ZC3H14: variants seen among roughly 807,000 people sequenced by gnomAD.
ZC3H14 encodes zinc finger CCCH domain-containing protein 14.
In ZC3H14, 31 loss-of-function variants were observed where a neutral mutation model predicts 92.4. The ratio of observed to expected loss-of-function variants is 0.34; its 90% confidence interval spans 0.25 to 0.45. ZC3H14 has a LOEUF of 0.45. Among genes scored for constraint, ZC3H14 ranks in the 20% least tolerant of loss-of-function variants. The pLI, the probability that ZC3H14 is intolerant of heterozygous loss-of-function variation, is 1.00. For synonymous variants in ZC3H14, 321 were observed against 300.9 expected (o/e 1.07, Z -0.69); for missense variants, 781 against 897.3 (o/e 0.87, Z 1.66).
At position 88,622,998 on chromosome 14, in the gene ZC3H14, A is replaced by G. The variant is rs1308153987; in HGVS notation, c.*11247A>G. 1.2e-5 allele frequency: 3 copies of G among 249,808 alleles called. No homozygotes were observed. The highest frequency in any genetic ancestry group is 6.8e-5 in the African/African-American group (3 of 43,942). 15.5% of individuals were successfully genotyped at this position (249,808 alleles called of 1,614,324 possible). A position where few individuals can be genotyped will look rare whatever the true frequency, so the allele number is the denominator to read the frequency against. On this transcript the variant is annotated 3_prime_UTR_variant, in exon 17 of 17. Coordinates refer to ENST00000251038, the MANE Select transcript of ZC3H14 (RefSeq NM_024824.5). ...TAGCCTCTACAATACATTACAATAC[A>G]TTATCCTCTCTCATAATACTTTTTT... is the stretch of plus-strand genomic sequence containing the variant.
intron 12 of ZC3H14, among the ~76,000 whole-genome samples, chr14:88,605,412 G>A (rs1338059934): frequency 6.6e-6 from 1 of 152,098 alleles, no homozygotes; most frequent in Non-Finnish European, 1.5e-5. Context: ...GCTCACTGCA[G>A]CCTCCACCTC....
At position 88,575,879 on chromosome 14, in the gene ZC3H14, G is replaced by C. The variant is rs752858345; in HGVS notation, c.1062G>C (p.Leu354=). ...LPPSKQANKN[L]ILKAISEAQE... ...CTTCTAAACAAGCTAACAAGAATCT[G>C]ATTTTGAAGGCTATATCTGAAGCTC... Residue 354 remains leucine, a synonymous_variant, in exon 8 of 17, where the codon CTG becomes CTC. Transcript: ENST00000251038. The C allele has an allele frequency of 1.2e-6, 2 of 1,613,728 alleles. No homozygotes were observed. The highest frequency in any genetic ancestry group is 1.7e-5 in the Admixed American group (1 of 59,998).
Position 88,617,002 on chromosome 14 carries a change from A to AATTATGGT in ZC3H14, c.*5253_*5260dup. ...CATGTTACTTAAAATACAGGAAGTA[A>AATTATGGT]ATTATGGTAAGTTGTTTGGAGACCT... On this transcript the variant is annotated 3_prime_UTR_variant, in exon 17 of 17. Coordinates refer to ENST00000251038, the MANE Select transcript of ZC3H14 (RefSeq NM_024824.5). 1 of 849,480 alleles carries AATTATGGT rather than the reference A, an allele frequency of 1.2e-6. No homozygotes were observed. Among genetic ancestry groups the AATTATGGT allele is most frequent in the Non-Finnish European group, 1.8e-6 (1 of 566,820 alleles). The allele number at this position is 849,480 out of a possible 1,614,324, so 52.6% of individuals were successfully genotyped here. A position where few individuals can be genotyped will look rare whatever the true frequency, so the allele number is the denominator to read the frequency against.
chr14:88,616,797 C>G lies in ZC3H14; in HGVS notation c.*5046C>G. 1 of 1,613,932 alleles carries G rather than the reference C, an allele frequency of 6.2e-7. No homozygotes were observed. Among genetic ancestry groups the G allele is most frequent in the Non-Finnish European group, 8.5e-7 (1 of 1,179,842 alleles). ...TCATCTCCTGTAACAAGACTGATTC[C>G]TGAATGAGATACACAGGCACAGTTG... On this transcript the variant is annotated 3_prime_UTR_variant, in exon 17 of 17. Transcript: ENST00000251038.
chr14:88,579,347 A>G (rs1185460685), intron 9 of ZC3H14, among the ~76,000 whole-genome samples: 1 of 152,152 alleles, frequency 6.6e-6, no homozygotes, highest in Non-Finnish European at 1.5e-5. Flanking sequence ...TGGTCCCCAA[A>G]CAGCAGATAG....
At chr14:88,574,655 T>G in intron 6 of ZC3H14, 38 bp from the exon 7 acceptor site, 2 of 1,612,932 alleles carry the variant, frequency 1.2e-6, no homozygotes, top group Non-Finnish European at 1.7e-6. Flanking sequence ...CTTGTTATTT[T>G]CTGAGATTAG....
chr14:88,570,815 G>C (rs1265390707), intron 3 of ZC3H14, among the ~76,000 whole-genome samples: 1 of 152,262 alleles, frequency 6.6e-6, no homozygotes, highest in Non-Finnish European at 1.5e-5. Context: ...ACTAAATACA[G>C]TTTATCAGTA....
In ZC3H14 at chr14:88,620,269, G is replaced by A. The variant is rs1430385277; in HGVS notation, c.*8518G>A. The A allele has an allele frequency of 6.6e-6, 1 of 152,380 alleles. No homozygotes were observed. Among genetic ancestry groups the A allele is most frequent in the Admixed American group, 6.5e-5 (1 of 15,284 alleles). 9.4% of individuals were successfully genotyped at this position (152,380 alleles called of 1,614,324 possible). On this transcript the variant is annotated 3_prime_UTR_variant, in exon 17 of 17. Transcript: ENST00000251038. This position sits in a 1 kb window ranked among gnomAD's most constrained non-coding sequence, Gnocchi z 4.3. ...GTAGCCACTGTTGAAAAATGCTTAAGCACTGAAAAACAAAGGTTTAAGAAA... is the reference window on the plus strand; with the variant it reads ...GTAGCCACTGTTGAAAAATGCTTAAACACTGAAAAACAAAGGTTTAAGAAA...
intron 9 of ZC3H14, among the ~76,000 whole-genome samples, chr14:88,583,400 G>A (rs1167539654): frequency 3.9e-5 from 6 of 152,040 alleles, no homozygotes; most frequent in Non-Finnish European, 8.8e-5. Flanking sequence ...TTACAGGTGT[G>A]AGCCACTGCA....
At chr14:88,596,279 T>A (rs1200127630) in intron 9 of ZC3H14, among the ~76,000 whole-genome samples, 2 of 152,324 alleles carry the variant, frequency 1.3e-5, no homozygotes, top group South Asian at 4.2e-4. Flanking sequence ...GTTTAGATGA[T>A]GAGAGTGTTT....
intron 9 of ZC3H14, chr14:88,590,651 G>T (rs370419188): frequency 6.6e-6 from 1 of 152,188 alleles, no homozygotes; most frequent in East Asian, 1.9e-4. Flanking sequence ...ATTTTTATCC[G>T]AACGTAGGTC....
intron 9 of ZC3H14, among the ~76,000 whole-genome samples, chr14:88,584,211 A>T (rs1310268927): frequency 6.6e-6 from 1 of 152,222 alleles, no homozygotes; most frequent in East Asian, 1.9e-4. Flanking sequence ...CCCTTGAACC[A>T]GACAAGTTTG....
rs762103626 is a variant in ZC3H14 at position 88,616,801 on chromosome 14, A to G, written c.*5050A>G. The G allele has an allele frequency of 6.2e-7, 1 of 1,613,980 alleles. No individual in the cohort carries two copies. Among genetic ancestry groups the G allele is most frequent in the South Asian group, 1.1e-5 (1 of 91,080 alleles). ...CTCCTGTAACAAGACTGATTCCTGA[A>G]TGAGATACACAGGCACAGTTGACAT... On this transcript the variant is annotated 3_prime_UTR_variant, in exon 17 of 17. Transcript: ENST00000251038.
chr14:88,605,796 C>T (rs1213678503), intron 12 of ZC3H14, among the ~76,000 whole-genome samples: 2 of 152,232 alleles, frequency 1.3e-5, no homozygotes, highest in Non-Finnish European at 2.9e-5. Flanking sequence ...GTCACTGGAA[C>T]AGTAAGTACT....
Position 88,618,739 on chromosome 14 carries a change from C to G in ZC3H14, c.*6988C>G. On this transcript the variant is annotated 3_prime_UTR_variant, in exon 17 of 17. Coordinates refer to ENST00000251038, the MANE Select transcript of ZC3H14 (RefSeq NM_024824.5). Reference sequence around the variant, plus strand: ...TAGCTGATTCTGTTAAGAGTGGGGCCCAGCGTTAGGTCATAAAAATCCACT... The same window carrying G: ...TAGCTGATTCTGTTAAGAGTGGGGCGCAGCGTTAGGTCATAAAAATCCACT... 6.2e-7 allele frequency: 1 copy of G among 1,606,920 alleles called. No individual in the cohort carries two copies. The highest frequency in any genetic ancestry group is 8.5e-7 in the Non-Finnish European group (1 of 1,176,240).
At position 88,626,421 on chromosome 14, in the gene ZC3H14, G is replaced by A. The variant is rs1687284721; in HGVS notation, c.*14670G>A. ...AGGATCACATAGCTTAGGAGCTTGA[G>A]ACCACCTAGGCAACATAGCGAAACC... is the stretch of plus-strand genomic sequence containing the variant. On this transcript the variant is annotated 3_prime_UTR_variant, in exon 17 of 17. Coordinates refer to ENST00000251038, the MANE Select transcript of ZC3H14 (RefSeq NM_024824.5). 1.2e-5 allele frequency: 2 copies of A among 171,818 alleles called. No homozygotes were observed. Among genetic ancestry groups the A allele is most frequent in the Non-Finnish European group, 2.5e-5 (2 of 78,844 alleles). 10.6% of individuals were successfully genotyped at this position (171,818 alleles called of 1,614,324 possible). A position where few individuals can be genotyped will look rare whatever the true frequency, so the allele number is the denominator to read the frequency against.
Position 88,605,174 on chromosome 14 carries a change from A to G in ZC3H14, c.1748-2069A>G, listed in dbSNP as rs115577957. ...TTATTTGTACTGGGTTCTTGTGTATATATTATAGTCTGCTGTGTGTAATTT... is the reference window on the plus strand; with the variant it reads ...TTATTTGTACTGGGTTCTTGTGTATGTATTATAGTCTGCTGTGTGTAATTT... On this transcript the variant is annotated intron_variant, in intron 12 of 16. Coordinates refer to ENST00000251038, the MANE Select transcript of ZC3H14 (RefSeq NM_024824.5). Among the ~76,000 whole-genome samples, 545 of 152,186 alleles carry G rather than the reference A, an allele frequency of 3.6e-3. 3 individuals are homozygous for G. The highest frequency in any genetic ancestry group is 0.013 in the African/African-American group (522 of 41,516).
chr14:88,616,993 C>T lies in ZC3H14; in HGVS notation c.*5242C>T, dbSNP rs1567011099. On this transcript the variant is annotated 3_prime_UTR_variant, in exon 17 of 17. Transcript: ENST00000251038. Reference sequence around the variant, plus strand: ...GTACCCTATCATGTTACTTAAAATACAGGAAGTAAATTATGGTAAGTTGTT... The same window carrying T: ...GTACCCTATCATGTTACTTAAAATATAGGAAGTAAATTATGGTAAGTTGTT... The T allele has an allele frequency of 7.4e-6, 7 of 945,044 alleles. No individual in the cohort carries two copies. The highest frequency in any genetic ancestry group is 2.5e-5 in the East Asian group (1 of 40,784). 58.5% of individuals were successfully genotyped at this position (945,044 alleles called of 1,614,324 possible). A position where few individuals can be genotyped will look rare whatever the true frequency, so the allele number is the denominator to read the frequency against.
At chr14:88,602,726 G>T in intron 11 of ZC3H14, 102 bp from the exon 12 acceptor site, 1 of 1,266,956 alleles carries the variant, frequency 7.9e-7, no homozygotes, top group Non-Finnish European at 1.1e-6. Context: ...TGAACCAAAC[G>T]CAAAGCCAAG....
Sources: allele counts gnomAD v4.1 joint callset (sites outside exome capture counted in the v4.1 genomes callset), GRCh38; gene constraint gnomAD v4.1.1; non-coding constraint Gnocchi (gnomAD v3.1); transcripts MANE v1.5; gene names NCBI Gene and HGNC (gene_info 2026-07-23, HGNC 2026-07-21).